ZDHHC11: variants seen among roughly 807,000 people sequenced by gnomAD.
ZDHHC11 encodes palmitoyltransferase ZDHHC11.
A neutral mutation model predicts 51.3 loss-of-function variants in ZDHHC11; 44 were observed. That is an observed-to-expected ratio of 0.86 (90% CI 0.67 to 1.10). The LOEUF is 1.10. Ranked by LOEUF, ZDHHC11 falls within the 50% of genes least tolerant of loss-of-function variation. ZDHHC11 has a pLI of 0.00. For missense variants in ZDHHC11, 400 were observed against 537.7 expected, an observed-to-expected ratio of 0.74 and a Z score of 2.53; for synonymous variants, 163 against 222.0, an observed-to-expected ratio of 0.73 and a Z score of 2.36.
intron 12 of ZDHHC11, among the ~76,000 whole-genome samples, chr5:800,038 C>A (rs1030417967): frequency 6.6e-6 from 1 of 151,332 alleles, no homozygotes; most frequent in Admixed American, 6.6e-5. Flanking sequence ...TGTCTATTCC[C>A]AGTTCTGCAA....
At chr5:817,891 A>T (rs1741025625) in intron 10 of ZDHHC11, among the ~76,000 whole-genome samples, 2 of 151,432 alleles carry the variant, frequency 1.3e-5, no homozygotes, top group African/African-American at 4.8e-5. Context: ...CGCTGTCTGC[A>T]GCCCTGGGCC....
Position 823,206 on chromosome 5 carries a change from C to T in ZDHHC11, c.1024-1311G>A, listed in dbSNP as rs71593351. ...AAGAAGAGTTTGCCTAACACAAGACCCCGGAGATATTCTAGGATTTTTGTA... is the reference window on the plus strand; with the variant it reads ...AAGAAGAGTTTGCCTAACACAAGACTCCGGAGATATTCTAGGATTTTTGTA... On this transcript the variant is annotated intron_variant, in intron 8 of 12. Coordinates refer to ENST00000283441, the MANE Select transcript of ZDHHC11 (RefSeq NM_024786.3). Among the ~76,000 whole-genome samples, 932 of 148,512 alleles carry T rather than the reference C, an allele frequency of 6.3e-3. 27 individuals carry two copies. The highest frequency in any genetic ancestry group is 7.3e-3 in the Non-Finnish European group (494 of 67,364).
intron 1 of ZDHHC11, among the ~76,000 whole-genome samples, chr5:848,956 C>A (rs1461592569): frequency 6.6e-6 from 1 of 151,716 alleles, no homozygotes; most frequent in Admixed American, 6.6e-5. Context: ...CCCAGCCCTG[C>A]TCACCCGAGC....
chr5:856,183 TACCACACAC>T (rs1748209611), intron 1 of ZDHHC11, among the ~76,000 whole-genome samples: 2 of 150,510 alleles, frequency 1.3e-5, no homozygotes, highest in African/African-American at 4.9e-5. Flanking sequence ...ACAGACCACG[TACCACACAC>T]ACCACACACC....
At chr5:812,048 T>C (rs1241692948) in intron 11 of ZDHHC11, among the ~76,000 whole-genome samples, 8 of 140,506 alleles carry the variant, frequency 5.7e-5, no homozygotes, top group African/African-American at 2.0e-4. Flanking sequence ...AACCATTACT[T>C]AAGTCTTCGA....
chr5:827,351 G>A (rs1478036735), intron 7 of ZDHHC11, among the ~76,000 whole-genome samples: 1 of 150,522 alleles, frequency 6.6e-6, no homozygotes, highest in African/African-American at 2.5e-5. Context: ...GCAACAACTA[G>A]CATGATCAAT....
chr5:844,446 T>G (rs1462011493), intron 3 of ZDHHC11, among the ~76,000 whole-genome samples: 5 of 149,796 alleles, frequency 3.3e-5, no homozygotes, highest in Non-Finnish European at 7.3e-5. Context: ...GCGTCTCCAG[T>G]GTCACAGCTC....
At chr5:840,850 C>T in intron 4 of ZDHHC11, 200 bp from the exon 5 acceptor site, 4 of 1,464,490 alleles carry the variant, frequency 2.7e-6, no homozygotes, top group Non-Finnish European at 3.6e-6. Flanking sequence ...TTCATGATCC[C>T]TGCTTTATGG....
At chr5:817,506 C>T (rs562762013) in intron 10 of ZDHHC11, among the ~76,000 whole-genome samples, 2 of 151,438 alleles carry the variant, frequency 1.3e-5, no homozygotes, top group African/African-American at 2.4e-5. Context: ...AAAAACATAG[C>T]TTTTTAATTT....
intron 11 of ZDHHC11, among the ~76,000 whole-genome samples, chr5:809,474 C>T (rs1487475474): frequency 6.7e-6 from 1 of 149,708 alleles, no homozygotes; most frequent in African/African-American, 2.5e-5. Flanking sequence ...TGAGTGAGAT[C>T]TCACTCTCAA....
chr5:800,002 G>C (rs1738184083), intron 12 of ZDHHC11, among the ~76,000 whole-genome samples: 1 of 151,328 alleles, frequency 6.6e-6, no homozygotes. Flanking sequence ...TCACAGGTTT[G>C]CTGTCTCTCT....
At chr5:820,148 G>C (rs1741381345) in intron 9 of ZDHHC11, among the ~76,000 whole-genome samples, 1 of 151,398 alleles carries the variant, frequency 6.6e-6, no homozygotes, top group South Asian at 2.1e-4. Context: ...TCCGGTTATA[G>C]TTACATTTCT....
chr5:853,319 C>A (rs112866955), upstream of ZDHHC11, among the ~76,000 whole-genome samples: 1 of 138,050 alleles, frequency 7.2e-6, no homozygotes, highest in African/African-American at 2.8e-5. Flanking sequence ...GACAGCGAGT[C>A]GGGCACAGAC....
In ZDHHC11 at chr5:843,937, C is replaced by CAT. The variant is rs557353240; in HGVS notation, c.504-214_504-213insAT. Among the ~76,000 whole-genome samples, 328 of 90,184 alleles carry CAT rather than the reference C, an allele frequency of 3.6e-3. 1 individual carries two copies. The highest frequency in any genetic ancestry group is 0.016 in the South Asian group (41 of 2,618). 59.2% of individuals were successfully genotyped at this position (90,184 alleles called of 152,430 possible). ...ACACGCAGGGCATCTGAGGCAGGGG[C>CAT]GGGGGCATGCAGGGCAGGTGGGGGG... is the stretch of plus-strand genomic sequence containing the variant. On this transcript the variant is annotated intron_variant, in intron 3 of 12. Transcript: ENST00000283441.
chr5:846,273 G>A (rs1195962717), intron 3 of ZDHHC11, among the ~76,000 whole-genome samples: 2 of 151,182 alleles, frequency 1.3e-5, no homozygotes, highest in African/African-American at 4.9e-5. Context: ...GGTGCGTCCT[G>A]TGACACCAGG....
intron 1 of ZDHHC11, among the ~76,000 whole-genome samples, chr5:848,932 G>C (rs112375351): frequency 0.1 from 14,303 of 138,938 alleles, 1,925 homozygotes; most frequent in African/African-American, 0.33. Context: ...GCCCTGCACA[G>C]CCAGCCCTGC....
At chr5:801,391 T>C (rs1241850482) in intron 11 of ZDHHC11, among the ~76,000 whole-genome samples, 4 of 151,920 alleles carry the variant, frequency 2.6e-5, no homozygotes, top group Admixed American at 6.6e-5. Context: ...TGTGTGCTGA[T>C]ATAGAGACAA....
At chr5:850,223 G>T (rs1746951754) in intron 1 of ZDHHC11, 158 bp downstream of exon 1, 1 of 790,988 alleles carries the variant, frequency 1.3e-6, no homozygotes, top group African/African-American at 1.7e-5. Context: ...GAGCATGAGT[G>T]GCCACTGGGC....
intron 1 of ZDHHC11, among the ~76,000 whole-genome samples, chr5:858,742 A>G (rs1416362546): frequency 6.6e-6 from 1 of 152,000 alleles, no homozygotes; most frequent in African/African-American, 2.4e-5. Context: ...GAGGCCCCTC[A>G]TAAGACAAAT....
Sources: gnomAD v4.1 joint callset for allele counts (sites outside exome capture counted in the v4.1 genomes callset) on GRCh38, gnomAD v4.1.1 for gene constraint, MANE v1.5 for transcripts, NCBI Gene and HGNC (gene_info 2026-07-23, HGNC 2026-07-21) for gene names.